Variants in PIAS1 observed in about 807,000 individuals in gnomAD.
PIAS1 encodes the protein E3 SUMO-protein ligase PIAS1.
PIAS1 carries 6 observed loss-of-function variants against 71.3 expected under a neutral mutation model. The ratio of observed to expected loss-of-function variants is 0.08; its 90% CI spans 0.05 to 0.17. PIAS1 has a LOEUF of 0.17. Among genes scored for constraint, PIAS1 ranks in the 10% least tolerant of loss-of-function variants. The pLI, the probability that PIAS1 is intolerant of heterozygous loss-of-function variation, is 1.00. For synonymous variants in PIAS1, 303 were observed against 292.9 expected, an observed-to-expected ratio of 1.03 and a Z score of -0.35; for missense variants, 555 against 793.6, an observed-to-expected ratio of 0.70 and a Z score of 3.61.
chr15:68,146,029 TTGAC>T (rs1302247679), intron 5 of PIAS1, 123 bp downstream of exon 5: 10 of 651,098 alleles, frequency 1.5e-5, no homozygotes, highest in Non-Finnish European at 2.5e-5. Flanking sequence ...TATATATTCA[TTGAC>T]TGGGTGAAAC....
intron 1 of PIAS1, among the ~76,000 whole-genome samples, chr15:68,069,517 T>C (rs1263462495): frequency 6.6e-6 from 1 of 152,064 alleles, no homozygotes; most frequent in Non-Finnish European, 1.5e-5. Flanking sequence ...GAAATTACAT[T>C]CTAGGCTGGG....
rs1469639465 is a variant in PIAS1 at position 68,188,658 on chromosome 15, T to C, written c.*823T>C. Reference sequence around the variant, plus strand: ...TTTTAGAGATATTGGAATAAAGCTGTCTGGGTAAGGAGTAGGCTTAGCCGA... The same window carrying C: ...TTTTAGAGATATTGGAATAAAGCTGCCTGGGTAAGGAGTAGGCTTAGCCGA... On this transcript the variant is annotated 3_prime_UTR_variant, in exon 14 of 14. Coordinates refer to ENST00000249636, the MANE Select transcript of PIAS1 (RefSeq NM_016166.3). 6.6e-6 allele frequency: 1 copy of C among 152,242 alleles called. No homozygotes were observed. Among genetic ancestry groups the C allele is most frequent in the South Asian group, 2.1e-4 (1 of 4,832 alleles). The allele number at this position is 152,242 out of a possible 1,614,324, so 9.4% of individuals were successfully genotyped here.
intron 1 of PIAS1, among the ~76,000 whole-genome samples, chr15:68,079,247 A>T (rs1795897422): frequency 6.6e-6 from 1 of 152,170 alleles, no homozygotes; most frequent in African/African-American, 2.4e-5. Flanking sequence ...TCTGAAGACT[A>T]GTTTATTTCT....
rs547409715 is a variant in PIAS1 at position 68,178,035 on chromosome 15, T to G, written c.1481+1381T>G. 6.6e-5 allele frequency among the ~76,000 whole-genome samples: 10 copies of G among 152,182 alleles called. No individual in the cohort carries two copies. In the South Asian group the frequency reaches 2.1e-3, roughly 32 times the overall value. ...TGCCTGGAGTCAAATCATTTTCAGG[T>G]TTGACATTGTATGATGAGATTAAAG... On this transcript the variant is annotated intron_variant, in intron 11 of 13. Coordinates refer to ENST00000249636, the MANE Select transcript of PIAS1 (RefSeq NM_016166.3). This position sits in a 1 kb window ranked among gnomAD's most constrained non-coding sequence, Gnocchi z 4.2.
chr15:68,098,488 C>T (rs1435102782), intron 2 of PIAS1, among the ~76,000 whole-genome samples: 1 of 152,152 alleles, frequency 6.6e-6, no homozygotes, highest in African/African-American at 2.4e-5. Flanking sequence ...AATGGACCCA[C>T]ACAGTTAAAA....
intron 2 of PIAS1, among the ~76,000 whole-genome samples, chr15:68,108,473 C>T (rs903384143): frequency 1.3e-5 from 2 of 152,052 alleles, no homozygotes; most frequent in African/African-American, 2.4e-5. Context: ...CGTTCTTCCT[C>T]TTCTCTTCTC....
chr15:68,100,599 A>G (rs1567041869), intron 2 of PIAS1, among the ~76,000 whole-genome samples: 2 of 152,216 alleles, frequency 1.3e-5, no homozygotes, highest in African/African-American at 4.8e-5. Context: ...CTGTTAATGA[A>G]TAAAATTACT....
intron 2 of PIAS1, among the ~76,000 whole-genome samples, chr15:68,125,093 TAGTGAACTATTTTTCATTTCTTGA>T (rs2092641444): frequency 6.6e-6 from 1 of 152,238 alleles, no homozygotes; most frequent in African/African-American, 2.4e-5. Context: ...GTGAGCAATG[TAGTGAACTATTTTTCATTTCTTGA>T]ATACCTTTTT....
chr15:68,064,091 T>G (rs1057420402), intron 1 of PIAS1, among the ~76,000 whole-genome samples: 1 of 152,192 alleles, frequency 6.6e-6, no homozygotes, highest in African/African-American at 2.4e-5. Context: ...AAAGAACTTG[T>G]GCAGTTGAGT....
At chr15:68,141,394 A>G (rs1345211984) in intron 2 of PIAS1, among the ~76,000 whole-genome samples, 1 of 152,066 alleles carries the variant, frequency 6.6e-6, no homozygotes, top group Non-Finnish European at 1.5e-5. Context: ...TCTTTGAGTT[A>G]GTGACAATAA....
At chr15:68,080,938 A>G (rs781351711) in intron 1 of PIAS1, among the ~76,000 whole-genome samples, 1 of 152,240 alleles carries the variant, frequency 6.6e-6, no homozygotes, top group Non-Finnish European at 1.5e-5. Context: ...ATGTTGTTCA[A>G]CAAGAAGTAC....
intron 2 of PIAS1, among the ~76,000 whole-genome samples, chr15:68,112,732 A>G (rs2092532873): frequency 6.6e-6 from 1 of 152,198 alleles, no homozygotes; most frequent in Admixed American, 6.5e-5. Flanking sequence ...TAGAACTCTC[A>G]TATACCATTT....
chr15:68,108,175 A>C (rs2092488807), intron 2 of PIAS1, among the ~76,000 whole-genome samples: 1 of 152,084 alleles, frequency 6.6e-6, no homozygotes, highest in Admixed American at 6.5e-5. Flanking sequence ...TTCCATAGAT[A>C]AGTTTTCTGT....
intron 7 of PIAS1, among the ~76,000 whole-genome samples, chr15:68,154,888 A>AG (rs1235736959): frequency 6.6e-6 from 1 of 152,182 alleles, no homozygotes; most frequent in Admixed American, 6.5e-5. Context: ...GCCTTGAAGG[A>AG]GAGTATAAGA....
At chr15:68,114,404 T>G (rs2141013070) in intron 2 of PIAS1, among the ~76,000 whole-genome samples, 1 of 152,222 alleles carries the variant, frequency 6.6e-6, no homozygotes, top group African/African-American at 2.4e-5. Flanking sequence ...TTCTGCAGTC[T>G]TCTTTCTTAA....
At chr15:68,146,748 T>C (rs1248656261) in intron 6 of PIAS1, 48 bp downstream of exon 6, 2 of 1,340,442 alleles carry the variant, frequency 1.5e-6, no homozygotes, top group Non-Finnish European at 2.1e-6. Context: ...TAAGGAGGGG[T>C]TAATCACCAT....
intron 2 of PIAS1, among the ~76,000 whole-genome samples, chr15:68,102,034 C>T (rs552365724): frequency 3.9e-5 from 6 of 152,338 alleles, no homozygotes; most frequent in Non-Finnish European, 8.8e-5. Flanking sequence ...CAGTGCCTAG[C>T]CAAGTCAAAA....
In PIAS1 at chr15:68,189,936, T is replaced by A. The variant is rs2093111271; in HGVS notation, c.*2101T>A. ...AGAAATTACTAAAATTGTGGGGAGT[T>A]TTTTCTGATTTTTACATTGCTTTAG... On this transcript the variant is annotated 3_prime_UTR_variant, in exon 14 of 14. Transcript: ENST00000249636. 2 of 152,040 alleles carry A rather than the reference T, an allele frequency of 1.3e-5. No individual in the cohort carries two copies. Among genetic ancestry groups the A allele is most frequent in the African/African-American group, 2.4e-5 (1 of 41,330 alleles). 9.4% of individuals were successfully genotyped at this position (152,040 alleles called of 1,614,324 possible).
Position 68,176,615 on chromosome 15 carries a change from G to C in PIAS1, c.1442G>C (p.Cys481Ser). The change falls in exon 11 of 14, where the codon TGT becomes TCT. Residue 481 changes from cysteine (C) to serine (S), a missense_variant. This residue lies in a region of PIAS1 where 244 missense variants were observed against 307.5 expected (regional missense o/e 0.79). Coordinates refer to ENST00000249636, the MANE Select transcript of PIAS1 (RefSeq NM_016166.3). ...EEEEPSAKRT[C>S]PSLSPTSPLN... ...GAAGAGCCATCTGCCAAGAGGACCT[G>C]TCCTTCCCTATCTCCCACATCACCA... 2 of 1,609,770 alleles carry C rather than the reference G, an allele frequency of 1.2e-6. No individual in the cohort carries two copies. The highest frequency in any genetic ancestry group is 1.7e-6 in the Non-Finnish European group (2 of 1,178,200).
Sources: gnomAD v4.1 joint callset for allele counts (sites outside exome capture counted in the v4.1 genomes callset) on GRCh38, gnomAD v4.1.1 for gene constraint, gnomAD v4.1.1 regional missense constraint, Gnocchi (gnomAD v3.1) non-coding constraint, MANE v1.5 for transcripts, NCBI Gene and HGNC (gene_info 2026-07-23, HGNC 2026-07-21) for gene names.